Variants in WDR70 observed in about 807,000 individuals in gnomAD.
WDR70 encodes WD repeat-containing protein 70.
Under a neutral mutation model 88.6 loss-of-function variants are expected in WDR70, and 53 were observed. The ratio of observed to expected loss-of-function variants is 0.60; its 90% confidence interval spans 0.48 to 0.75. The LOEUF (loss-of-function observed/expected upper bound fraction) is 0.75, where lower values mean the gene tolerates loss of function less well. Ranked by LOEUF, WDR70 falls within the 30% of genes least tolerant of loss-of-function variation. WDR70 has a pLI of 0.00. For missense variants in WDR70, 610 were observed against 823.2 expected (o/e 0.74, Z 3.17); for synonymous variants, 280 against 270.0 (o/e 1.04, Z -0.36).
At chr5:37,438,586 T>C (rs1201972136) in intron 6 of WDR70, among the ~76,000 whole-genome samples, 1 of 152,138 alleles carries the variant, frequency 6.6e-6, no homozygotes, top group Non-Finnish European at 1.5e-5. Flanking sequence ...AACATTCATA[T>C]GAAATGAAAA....
intron 9 of WDR70, among the ~76,000 whole-genome samples, chr5:37,538,621 A>G (rs1356267164): frequency 6.6e-6 from 1 of 152,172 alleles, no homozygotes; most frequent in East Asian, 1.9e-4. Context: ...TGAGTTGGAG[A>G]TGCTAGTGCC....
chr5:37,506,666 C>T (rs1740570672), intron 8 of WDR70: 8 of 787,050 alleles, frequency 1.0e-5, no homozygotes, highest in Non-Finnish European at 1.9e-5. Flanking sequence ...CTCCCTCACA[C>T]ACAAATAAAA....
chr5:37,716,085 A>T (rs913441002), intron 13 of WDR70, among the ~76,000 whole-genome samples: 8 of 152,210 alleles, frequency 5.3e-5, no homozygotes, highest in Non-Finnish European at 8.8e-5. Flanking sequence ...TGTTCAGGGA[A>T]TCACTGCATT....
intron 7 of WDR70, among the ~76,000 whole-genome samples, chr5:37,457,757 G>C (rs1738889620): frequency 6.6e-6 from 1 of 152,134 alleles, no homozygotes; most frequent in African/African-American, 2.4e-5. Flanking sequence ...GAACAGTACA[G>C]ACTGTGACCA....
intron 7 of WDR70, among the ~76,000 whole-genome samples, chr5:37,467,093 G>A (rs969945903): frequency 2.6e-5 from 4 of 151,854 alleles, no homozygotes; most frequent in Non-Finnish European, 5.9e-5. Flanking sequence ...TGGGCATGGT[G>A]GTGCACGCCT....
chr5:37,380,670 T>TG (rs1748398356), intron 2 of WDR70, among the ~76,000 whole-genome samples: 1 of 150,984 alleles, frequency 6.6e-6, no homozygotes, highest in Non-Finnish European at 1.5e-5. Context: ...TTTTTTGAGA[T>TG]GGAGTCTCGC....
chr5:37,613,393 T>C (rs1465738540), intron 10 of WDR70, among the ~76,000 whole-genome samples: 1 of 152,194 alleles, frequency 6.6e-6, no homozygotes, highest in Non-Finnish European at 1.5e-5. Flanking sequence ...AAGATTCATT[T>C]GGAAGCTGGA....
intron 7 of WDR70, among the ~76,000 whole-genome samples, chr5:37,446,196 C>G (rs1328299339): frequency 6.6e-6 from 1 of 152,100 alleles, no homozygotes; most frequent in African/African-American, 2.4e-5. Context: ...ACAATTGCTT[C>G]AAAGAGAATG....
intron 9 of WDR70, among the ~76,000 whole-genome samples, chr5:37,549,666 C>G (rs1742087669): frequency 2.0e-5 from 3 of 152,128 alleles, no homozygotes; most frequent in Admixed American, 2.0e-4. Context: ...GGACTTCCAG[C>G]ACTGTGTTGA....
At chr5:37,621,990 T>A (rs1015983419) in intron 10 of WDR70, among the ~76,000 whole-genome samples, 23 of 152,334 alleles carry the variant, frequency 1.5e-4, no homozygotes, top group African/African-American at 5.3e-4. Context: ...TAGGGAATAG[T>A]TTCCCCATTT....
chr5:37,517,637 G>A lies in WDR70; in HGVS notation c.917+1047G>A, dbSNP rs192023546. 2.1e-3 allele frequency among the ~76,000 whole-genome samples: 326 copies of A among 151,902 alleles called. 2 individuals carry two copies. Among genetic ancestry groups the A allele is most frequent in the Middle Eastern group, 0.017 (5 of 294 alleles). On this transcript the variant is annotated intron_variant, in intron 9 of 17. Transcript: ENST00000265107. The stretch of plus-strand genomic sequence containing the variant: ...CTGCCTCGGCCTCCCAAAGTGCTGG[G>A]ATTATAGGCATGAGCTATGGCACCA...
At position 37,551,218 on chromosome 5, in the gene WDR70, T is replaced by C. The variant is rs554365507; in HGVS notation, c.917+34628T>C. On this transcript the variant is annotated intron_variant, in intron 9 of 17. Coordinates refer to ENST00000265107, the MANE Select transcript of WDR70 (RefSeq NM_018034.4). ...TGCTCAGGAGGCCGAGGCAGGAGAA[T>C]CACTTGAACCCGGGAGGCAGAGGTT... Among the ~76,000 whole-genome samples the C allele has an allele frequency of 3.0e-4, 46 of 151,726 alleles. 1 individual carries two copies. Among genetic ancestry groups the C allele is most frequent in the Admixed American group, 1.8e-3 (27 of 15,254 alleles).
At chr5:37,697,867 G>T in intron 11 of WDR70, 113 bp downstream of exon 11, 1 of 768,258 alleles carries the variant, frequency 1.3e-6, no homozygotes, top group Non-Finnish European at 2.0e-6. Flanking sequence ...TTTTGTTAAT[G>T]CACCTTTGCC....
In WDR70 at chr5:37,598,370, C is replaced by T. The variant is rs1466664795; in HGVS notation, c.918-6694C>T. The stretch of plus-strand genomic sequence containing the variant: ...CCTTTCTAAAAATGGGATCATAATA[C>T]CAACAATAAGGGTTTGTGAGGATTA... On this transcript the variant is annotated intron_variant, in intron 9 of 17. Transcript: ENST00000265107. Among the ~76,000 whole-genome samples the T allele has an allele frequency of 3.3e-5, 5 of 152,038 alleles. No homozygotes were observed. The East Asian group carries it at 7.7e-4, about 23-fold the overall frequency.
At chr5:37,524,379 T>A (rs1724457022) in intron 9 of WDR70, among the ~76,000 whole-genome samples, 2 of 152,118 alleles carry the variant, frequency 1.3e-5, no homozygotes, top group Non-Finnish European at 2.9e-5. Context: ...CCAGCCAAAC[T>A]AAGCTTCATA....
chr5:37,746,233 A>G (rs967382911), intron 17 of WDR70, among the ~76,000 whole-genome samples: 3 of 152,214 alleles, frequency 2.0e-5, no homozygotes, highest in African/African-American at 4.8e-5. Flanking sequence ...ACCAATGAGA[A>G]CAAAGAGACA....
intron 7 of WDR70, among the ~76,000 whole-genome samples, chr5:37,450,484 A>G (rs1210137149): frequency 6.6e-6 from 1 of 152,164 alleles, no homozygotes; most frequent in African/African-American, 2.4e-5. Flanking sequence ...TGATGTTCTA[A>G]CTCTAATCCA....
At chr5:37,695,436 C>T (rs1466653765) in intron 10 of WDR70, among the ~76,000 whole-genome samples, 1 of 152,122 alleles carries the variant, frequency 6.6e-6, no homozygotes, top group Non-Finnish European at 1.5e-5. Context: ...CCTTTGGTTT[C>T]TCACATTTCC....
intron 13 of WDR70, among the ~76,000 whole-genome samples, chr5:37,714,685 C>T (rs908249833): frequency 6.6e-6 from 1 of 152,152 alleles, no homozygotes; most frequent in East Asian, 1.9e-4. Context: ...CCTTGCAGGA[C>T]GACCACCCAC....
Sources: allele counts gnomAD v4.1 joint callset (sites outside exome capture counted in the v4.1 genomes callset), GRCh38; gene constraint gnomAD v4.1.1; transcripts MANE v1.5; gene names NCBI Gene and HGNC (gene_info 2026-07-23, HGNC 2026-07-21).